Variants in DLGAP1 observed in about 807,000 individuals in gnomAD.
DLGAP1 encodes DLG associated protein 1, also known as disks large-associated protein 1.
DLGAP1 carries 11 observed loss-of-function variants against 90.8 expected under a neutral mutation model. The observed-to-expected ratio is 0.12, with a 90% CI of 0.08 to 0.20. The LOEUF is 0.20. Ranked by LOEUF, DLGAP1 falls within the 10% of genes least tolerant of loss-of-function variation. The pLI, the probability that DLGAP1 is intolerant of heterozygous loss-of-function variation, is 1.00. For missense variants in DLGAP1, 1,050 were observed against 1,333.8 expected (o/e 0.79, Z 3.31); for synonymous variants, 558 against 540.7 (o/e 1.03, Z -0.44).
intron 3 of DLGAP1, among the ~76,000 whole-genome samples, chr18:3,884,006 A>C (rs1331065365): frequency 6.6e-6 from 1 of 152,226 alleles, no homozygotes; most frequent in Non-Finnish European, 1.5e-5. Context: ...TTGAAGGGAC[A>C]AAAAAGGAAT....
At chr18:4,434,745 T>C (rs1046833981) in intron 1 of DLGAP1, among the ~76,000 whole-genome samples, 2 of 152,130 alleles carry the variant, frequency 1.3e-5, no homozygotes, top group Admixed American at 1.3e-4. Flanking sequence ...GGAGGTGGTA[T>C]GTAAATCTCA....
At chr18:3,957,935 C>A (rs1426393146) in intron 3 of DLGAP1, among the ~76,000 whole-genome samples, 1 of 151,190 alleles carries the variant, frequency 6.6e-6, no homozygotes, top group Non-Finnish European at 1.5e-5. Context: ...CTCTTGTTGC[C>A]CAGGCTGGAG....
intron 3 of DLGAP1, among the ~76,000 whole-genome samples, chr18:3,928,250 T>C (rs903575855): frequency 6.6e-5 from 10 of 152,220 alleles, no homozygotes; most frequent in Non-Finnish European, 1.0e-4. Context: ...ATATTTAACC[T>C]GCTAGGTATC....
In DLGAP1 at chr18:3,784,717, C is replaced by T. The variant is rs1297496115; in HGVS notation, c.1172+29342G>A. 5.3e-5 allele frequency among the ~76,000 whole-genome samples: 8 copies of T among 152,150 alleles called. No individual in the cohort carries two copies. In the South Asian group the frequency reaches 8.3e-4, roughly 16 times the overall value. On this transcript the variant is annotated intron_variant, in intron 5 of 12. Coordinates refer to ENST00000315677, the MANE Select transcript of DLGAP1 (RefSeq NM_004746.4). Reference sequence around the variant, plus strand: ...CCCAGTCTGGATCCAGTGCAATGAGCGAGAGCCTTGGGGAAAAGGCGCTGC... The same window carrying T: ...CCCAGTCTGGATCCAGTGCAATGAGTGAGAGCCTTGGGGAAAAGGCGCTGC...
At chr18:3,601,937 A>T (rs12960382) in intron 7 of DLGAP1, among the ~76,000 whole-genome samples, 93,654 of 150,606 alleles carry the variant, frequency 0.62, 31,067 homozygotes, top group Non-Finnish European at 0.75. Flanking sequence ...TGAACCCGGG[A>T]AGCGGAGATT....
At chr18:3,638,092 G>GC (rs2058787772) in intron 7 of DLGAP1, among the ~76,000 whole-genome samples, 1 of 151,130 alleles carries the variant, frequency 6.6e-6, no homozygotes, top group South Asian at 2.1e-4. Flanking sequence ...GAGTACAGGC[G>GC]CCCGCCACCC....
chr18:4,038,724 T>C (rs1260899674), intron 2 of DLGAP1, among the ~76,000 whole-genome samples: 19 of 152,152 alleles, frequency 1.2e-4, no homozygotes, highest in Admixed American at 1.2e-3. Flanking sequence ...TTCATTTTTC[T>C]TCCTCTTTTT....
At chr18:4,161,896 C>T (rs947968156) in intron 1 of DLGAP1, among the ~76,000 whole-genome samples, 4 of 152,086 alleles carry the variant, frequency 2.6e-5, no homozygotes, top group African/African-American at 9.7e-5. Flanking sequence ...AGTGGCACAC[C>T]TAAGATGACA....
At chr18:4,211,057 CT>C (rs1019100006) in intron 1 of DLGAP1, among the ~76,000 whole-genome samples, 2 of 152,098 alleles carry the variant, frequency 1.3e-5, no homozygotes, top group African/African-American at 2.4e-5. Context: ...CTTATACTAC[CT>C]TTTTGAAGTT....
intron 9 of DLGAP1, among the ~76,000 whole-genome samples, chr18:3,540,005 G>T (rs959777097): frequency 6.6e-6 from 1 of 151,722 alleles, no homozygotes; most frequent in African/African-American, 2.4e-5. Flanking sequence ...TAAGCCTTCT[G>T]TCAAGGCTGA....
chr18:4,126,545 C>T lies in DLGAP1; in HGVS notation c.-159+24635G>A, dbSNP rs1393510835. ...TACATGTGTGTATGTGTCACATATA[C>T]ACACATACAGGGTAAATATATGTTT... is the stretch of plus-strand genomic sequence containing the variant. On this transcript the variant is annotated intron_variant, in intron 2 of 12. Coordinates refer to ENST00000315677, the MANE Select transcript of DLGAP1 (RefSeq NM_004746.4). 3.9e-5 allele frequency among the ~76,000 whole-genome samples: 6 copies of T among 152,156 alleles called. No homozygotes were observed. The East Asian group carries it at 9.6e-4, about 24-fold the overall frequency.
At chr18:4,432,589 A>AGTGTGTGTGTGTATGTGTGTGT (rs779917667) in intron 1 of DLGAP1, among the ~76,000 whole-genome samples, 3 of 111,394 alleles carry the variant, frequency 2.7e-5, no homozygotes, top group African/African-American at 9.2e-5. Context: ...CACCTCACAT[A>AGTGTGTGTGTGTATGTGTGTGT]GTGTGTGTGT....
intron 7 of DLGAP1, among the ~76,000 whole-genome samples, chr18:3,600,737 T>TAGATATATAGATATATATAGATATATAG (rs1568277502): frequency 2.6e-5 from 1 of 39,146 alleles, no homozygotes; most frequent in East Asian, 6.2e-4. Flanking sequence ...TAGATATATA[T>TAGATATATAGATATATATAGATATATAG]AGATATATAG....
intron 7 of DLGAP1, chr18:3,656,138 G>A: frequency 6.5e-7 from 1 of 1,542,320 alleles, no homozygotes; most frequent in African/African-American, 1.4e-5. Flanking sequence ...AAAAGTGGCA[G>A]TTATATAATG....
chr18:3,560,346 G>A (rs1425242300), intron 9 of DLGAP1, among the ~76,000 whole-genome samples: 1 of 151,754 alleles, frequency 6.6e-6, no homozygotes, highest in Non-Finnish European at 1.5e-5. Flanking sequence ...TTGAACCTGG[G>A]AGGCGGAGGT....
intron 1 of DLGAP1, among the ~76,000 whole-genome samples, chr18:4,170,503 T>G (rs889911865): frequency 6.6e-6 from 1 of 151,922 alleles, no homozygotes; most frequent in African/African-American, 2.4e-5. Context: ...TAAGCAAGAA[T>G]ACAGTAGGGC....
intron 1 of DLGAP1, among the ~76,000 whole-genome samples, chr18:4,253,318 G>T (rs1332256454): frequency 2.0e-5 from 3 of 152,132 alleles, no homozygotes; most frequent in African/African-American, 7.2e-5. Context: ...TTACCCAAAA[G>T]ATAAGTTTCA....
intron 3 of DLGAP1, among the ~76,000 whole-genome samples, chr18:3,936,511 C>A (rs1436065230): frequency 6.6e-6 from 1 of 152,194 alleles, no homozygotes; most frequent in Non-Finnish European, 1.5e-5. Flanking sequence ...TGCTTCTTCC[C>A]CCAAGTGCCT....
At chr18:4,138,305 G>A (rs1053201060) in intron 2 of DLGAP1, among the ~76,000 whole-genome samples, 4 of 149,042 alleles carry the variant, frequency 2.7e-5, no homozygotes, top group Non-Finnish European at 4.5e-5. Context: ...TTTTTTGAAG[G>A]TTTTTCTTTT....
Sources: gnomAD v4.1 joint callset for allele counts (sites outside exome capture counted in the v4.1 genomes callset) on GRCh38, gnomAD v4.1.1 for gene constraint, MANE v1.5 for transcripts, NCBI Gene and HGNC (gene_info 2026-07-23, HGNC 2026-07-21) for gene names.